Variants in EXOC6 observed in about 807,000 individuals in gnomAD.
The protein encoded by EXOC6 is SEC15-like 1.
In EXOC6, 60 loss-of-function variants were observed where a neutral mutation model predicts 112.5. The ratio of observed to expected loss-of-function variants is 0.53; its 90% CI spans 0.43 to 0.66. EXOC6 has a LOEUF of 0.66. Among genes scored for constraint, EXOC6 ranks in the 30% least tolerant of loss-of-function variants. The probability of loss-of-function intolerance (pLI) is 0.00; values close to 1 mark genes in which losing one functional copy is unlikely to be tolerated. For missense variants in EXOC6, 855 were observed against 957.1 expected (o/e 0.89, Z 1.41); for synonymous variants, 295 against 308.0 (o/e 0.96, Z 0.44).
chr10:92,868,567 C>G (rs1445125451), intron 1 of EXOC6, among the ~76,000 whole-genome samples: 1 of 152,074 alleles, frequency 6.6e-6, no homozygotes, highest in Non-Finnish European at 1.5e-5. Context: ...CAATAAATTT[C>G]TCTAGTTCTA....
chr10:92,873,043 A>T (rs1564790648), intron 1 of EXOC6, among the ~76,000 whole-genome samples: 1 of 152,176 alleles, frequency 6.6e-6, no homozygotes, highest in Admixed American at 6.5e-5. Flanking sequence ...TACTTGTTTA[A>T]ACTTTTTGAA....
At chr10:92,854,104 AT>A (rs1322638020) in intron 1 of EXOC6, among the ~76,000 whole-genome samples, 1 of 152,098 alleles carries the variant, frequency 6.6e-6, no homozygotes, top group Non-Finnish European at 1.5e-5. Context: ...TCTGTCTAGA[AT>A]GTATAAAGGA....
chr10:92,924,155 C>T (rs1851583936), intron 8 of EXOC6, among the ~76,000 whole-genome samples: 1 of 152,010 alleles, frequency 6.6e-6, no homozygotes, highest in Admixed American at 6.6e-5. Flanking sequence ...CTATTGACAA[C>T]AAGTAATTGC....
chr10:92,990,620 G>T (rs1424745296), intron 18 of EXOC6, among the ~76,000 whole-genome samples: 1 of 151,842 alleles, frequency 6.6e-6, no homozygotes, highest in African/African-American at 2.4e-5. Flanking sequence ...GTTTTTCTGT[G>T]TTTTTTTTCT....
intron 1 of EXOC6, among the ~76,000 whole-genome samples, chr10:92,865,424 T>G (rs1326766349): frequency 6.6e-6 from 1 of 151,768 alleles, no homozygotes; most frequent in African/African-American, 2.4e-5. Flanking sequence ...TAATCCCAGC[T>G]GCTTAGGAGG....
intron 17 of EXOC6, among the ~76,000 whole-genome samples, chr10:92,957,058 T>C (rs1004575447): frequency 6.6e-6 from 1 of 152,076 alleles, no homozygotes; most frequent in African/African-American, 2.4e-5. Flanking sequence ...AACAATATGG[T>C]ATAATAAGTA....
chr10:92,965,306 T>A (rs1841999977), intron 17 of EXOC6, among the ~76,000 whole-genome samples: 28 of 152,190 alleles, frequency 1.8e-4, no homozygotes, highest in Admixed American at 1.8e-3. Context: ...TGGGTTCTGT[T>A]GCACACCTAT....
chr10:92,906,553 C>G (rs911924064), intron 5 of EXOC6, among the ~76,000 whole-genome samples: 4 of 152,154 alleles, frequency 2.6e-5, no homozygotes, highest in Admixed American at 2.6e-4. Flanking sequence ...TTTATAAAAA[C>G]AGACACCTTG....
At chr10:92,838,315 C>T (rs1846727006) in intron 1 of EXOC6, among the ~76,000 whole-genome samples, 1 of 152,202 alleles carries the variant, frequency 6.6e-6, no homozygotes, top group Admixed American at 6.5e-5. Context: ...TTCCCACCTC[C>T]TGACTTTATA....
intron 14 of EXOC6, among the ~76,000 whole-genome samples, chr10:92,951,106 A>G (rs979104858): frequency 6.6e-6 from 1 of 152,198 alleles, no homozygotes; most frequent in Non-Finnish European, 1.5e-5. Flanking sequence ...GAAGAAAAAG[A>G]TGATAATTTC....
At chr10:92,863,476 G>T (rs1848004214) in intron 1 of EXOC6, among the ~76,000 whole-genome samples, 1 of 152,120 alleles carries the variant, frequency 6.6e-6, no homozygotes, top group Non-Finnish European at 1.5e-5. Flanking sequence ...GATAATTTTA[G>T]GTGTAAAAGA....
At chr10:92,963,612 C>T (rs1333336748) in intron 17 of EXOC6, among the ~76,000 whole-genome samples, 4 of 151,194 alleles carry the variant, frequency 2.6e-5, no homozygotes, top group Non-Finnish European at 5.9e-5. Flanking sequence ...TTCAGGCTTC[C>T]GAGTAGCTGG....
At chr10:92,989,660 A>G (rs835252) in intron 18 of EXOC6, among the ~76,000 whole-genome samples, 1,638 of 152,334 alleles carry the variant, frequency 0.011, 34 homozygotes, top group African/African-American at 0.037. Context: ...CTCACTCGAT[A>G]TAATAATCAT....
At chr10:92,966,284 T>TATAATA (rs35061055) in intron 17 of EXOC6, among the ~76,000 whole-genome samples, 15 of 142,636 alleles carry the variant, frequency 1.1e-4, no homozygotes, top group South Asian at 4.3e-4. Context: ...TAATTATAAT[T>TATAATA]ATTATTATTA....
intron 1 of EXOC6, among the ~76,000 whole-genome samples, chr10:92,835,860 T>C (rs1278711657): frequency 6.6e-6 from 1 of 152,226 alleles, no homozygotes; most frequent in East Asian, 1.9e-4. Context: ...CTATTACATA[T>C]ACCTTTGTCT....
At chr10:93,008,005 C>G (rs1030082311) in intron 19 of EXOC6, among the ~76,000 whole-genome samples, 1 of 152,080 alleles carries the variant, frequency 6.6e-6, no homozygotes, top group African/African-American at 2.4e-5. Context: ...GAAACCCCTT[C>G]TCTTCTAAAA....
chr10:93,046,792 T>C (rs1489888661), intron 20 of EXOC6, among the ~76,000 whole-genome samples: 1 of 151,964 alleles, frequency 6.6e-6, no homozygotes, highest in East Asian at 1.9e-4. Context: ...GAGATGGGGT[T>C]TCACCATGTT....
At chr10:92,951,267 A>G (rs986745395) in intron 14 of EXOC6, among the ~76,000 whole-genome samples, 7 of 152,322 alleles carry the variant, frequency 4.6e-5, no homozygotes, top group African/African-American at 1.7e-4. Context: ...TGAAGTCATA[A>G]GACCATATGA....
intron 20 of EXOC6, among the ~76,000 whole-genome samples, chr10:93,055,704 A>ACTGTTCAG (rs1422867144): frequency 2.0e-5 from 3 of 151,712 alleles, no homozygotes; most frequent in Admixed American, 1.3e-4. Flanking sequence ...TAGTGTTTCA[A>ACTGTTCAG]CTGTTGGTAT....
Sources: gnomAD v4.1 joint callset for allele counts (sites outside exome capture counted in the v4.1 genomes callset) on GRCh38, gnomAD v4.1.1 for gene constraint, MANE v1.5 for transcripts, NCBI Gene and HGNC (gene_info 2026-07-23, HGNC 2026-07-21) for gene names.